JMJD1C: variants seen among roughly 807,000 people sequenced by gnomAD.
JMJD1C encodes jumonji domain containing 1C.
In JMJD1C, 31 loss-of-function variants were observed where a neutral mutation model predicts 245.3. That is an observed-to-expected ratio of 0.13 (90% confidence interval 0.09 to 0.17). The LOEUF is 0.17. JMJD1C is among the 10% of genes least tolerant of loss of function. The pLI is 1.00. For missense variants in JMJD1C, 2,691 were observed against 3,000.2 expected (o/e 0.90, Z 2.41); for synonymous variants, 1,057 against 1,017.4 (o/e 1.04, Z -0.74).
intron 2 of JMJD1C, among the ~76,000 whole-genome samples, chr10:63,296,857 GGATA>G (rs1486952161): frequency 1.3e-5 from 2 of 152,030 alleles, no homozygotes; most frequent in Admixed American, 6.6e-5. Context: ...AGGGGGTGGA[GGATA>G]GACAATTTTT....
chr10:63,326,619 C>T (rs933864018), intron 2 of JMJD1C, among the ~76,000 whole-genome samples: 2 of 151,956 alleles, frequency 1.3e-5, no homozygotes, highest in African/African-American at 2.4e-5. Flanking sequence ...GTGGCTCACG[C>T]GTGTAATCCC....
At chr10:63,178,363 AAGC>A (rs1843062989) in intron 22 of JMJD1C, among the ~76,000 whole-genome samples, 1 of 152,224 alleles carries the variant, frequency 6.6e-6, no homozygotes, top group Non-Finnish European at 1.5e-5. Flanking sequence ...GCAAACCAAG[AAGC>A]AGGAGATAGA....
At chr10:63,334,021 T>C (rs527578385) in intron 2 of JMJD1C, among the ~76,000 whole-genome samples, 62 of 152,278 alleles carry the variant, frequency 4.1e-4, no homozygotes, top group African/African-American at 1.3e-3. Context: ...AGAAAGTAAG[T>C]AACAGAAGTG....
chr10:63,352,276 A>C (rs1267251332), intron 2 of JMJD1C, among the ~76,000 whole-genome samples: 1 of 152,208 alleles, frequency 6.6e-6, no homozygotes, highest in African/African-American at 2.4e-5. Context: ...ATAAAAGACT[A>C]ATAGACATAT....
At chr10:63,353,235 T>G (rs1272560412) in intron 2 of JMJD1C, among the ~76,000 whole-genome samples, 4 of 152,144 alleles carry the variant, frequency 2.6e-5, no homozygotes, top group Non-Finnish European at 5.9e-5. Context: ...GCAATAGAAC[T>G]AGGCAGAAGA....
intron 3 of JMJD1C, among the ~76,000 whole-genome samples, chr10:63,250,176 T>C (rs534691989): frequency 5.3e-5 from 8 of 152,140 alleles, no homozygotes; most frequent in Non-Finnish European, 1.2e-4. Flanking sequence ...AAATTAGCCA[T>C]GCCTGGCTGA....
At chr10:63,443,075 C>T (rs1951486683) in intron 1 of JMJD1C, among the ~76,000 whole-genome samples, 1 of 152,180 alleles carries the variant, frequency 6.6e-6, no homozygotes, top group African/African-American at 2.4e-5. Context: ...ATTGGGGGCT[C>T]CCAGGCCCCC....
chr10:63,306,820 G>A (rs1188353776), intron 2 of JMJD1C, among the ~76,000 whole-genome samples: 2 of 151,958 alleles, frequency 1.3e-5, no homozygotes, highest in African/African-American at 4.8e-5. Flanking sequence ...TGATAAATAA[G>A]GTTTATAGGT....
chr10:63,468,511 T>C (rs1164531701), upstream of JMJD1C, among the ~76,000 whole-genome samples: 1 of 152,238 alleles, frequency 6.6e-6, no homozygotes, highest in Non-Finnish European at 1.5e-5. Context: ...CTTAACTTGT[T>C]TCCTTACATT....
intron 1 of JMJD1C, among the ~76,000 whole-genome samples, chr10:63,451,154 A>G (rs1034703656): frequency 6.6e-6 from 1 of 152,246 alleles, no homozygotes; most frequent in Non-Finnish European, 1.5e-5. Context: ...ATGGAAAGAC[A>G]TCTGTGTTTG....
chr10:63,211,141 A>T (rs1365363833), intron 8 of JMJD1C, among the ~76,000 whole-genome samples: 2 of 152,180 alleles, frequency 1.3e-5, no homozygotes, highest in African/African-American at 4.8e-5. Context: ...ATGCATCATC[A>T]ACCACTTGGT....
chr10:63,190,599 T>C (rs1263976954), intron 17 of JMJD1C, among the ~76,000 whole-genome samples: 1 of 152,202 alleles, frequency 6.6e-6, no homozygotes, highest in Non-Finnish European at 1.5e-5. Flanking sequence ...CATACAACAT[T>C]CACTTCCATG....
intron 3 of JMJD1C, among the ~76,000 whole-genome samples, chr10:63,228,608 CA>C (rs1169684270): frequency 1.3e-5 from 2 of 152,100 alleles, no homozygotes; most frequent in African/African-American, 4.8e-5. Flanking sequence ...TTAAAAACAA[CA>C]AAACAGAACA....
At chr10:63,369,283 G>C (rs533423209) in intron 2 of JMJD1C, among the ~76,000 whole-genome samples, 1 of 151,840 alleles carries the variant, frequency 6.6e-6, no homozygotes, top group Non-Finnish European at 1.5e-5. Flanking sequence ...CTGGTATTAT[G>C]GAAGTGCACC....
At chr10:63,341,681 C>T (rs1943393364) in intron 2 of JMJD1C, among the ~76,000 whole-genome samples, 1 of 152,172 alleles carries the variant, frequency 6.6e-6, no homozygotes, top group Admixed American at 6.5e-5. Context: ...TTCAACTGTT[C>T]TAATTATCCT....
intron 3 of JMJD1C, among the ~76,000 whole-genome samples, chr10:63,241,937 G>C (rs1851531858): frequency 6.6e-6 from 1 of 152,148 alleles, no homozygotes; most frequent in Non-Finnish European, 1.5e-5. Context: ...AAGACAAGAG[G>C]AAAGCAGGTA....
intron 1 of JMJD1C, among the ~76,000 whole-genome samples, chr10:63,401,230 G>A (rs1191032193): frequency 6.6e-6 from 1 of 152,142 alleles, no homozygotes; most frequent in Non-Finnish European, 1.5e-5. Flanking sequence ...TTATAAGCAT[G>A]TGAAGATGCA....
intron 2 of JMJD1C, among the ~76,000 whole-genome samples, chr10:63,319,255 TAAAAAAAAAAAA>T (rs59018554): frequency 3.5e-5 from 3 of 85,938 alleles, no homozygotes; most frequent in East Asian, 3.7e-4. Context: ...AGACTCCATC[TAAAAAAAAAAAA>T]AAAAAAAAAA....
At chr10:63,211,748 T>C (rs1442619939) in intron 8 of JMJD1C, among the ~76,000 whole-genome samples, 1 of 142,256 alleles carries the variant, frequency 7.0e-6, no homozygotes, top group Non-Finnish European at 1.5e-5. Context: ...AAAACACCCA[T>C]GTGAGGCAGA....
Sources: allele counts gnomAD v4.1 joint callset (sites outside exome capture counted in the v4.1 genomes callset), GRCh38; gene constraint gnomAD v4.1.1; transcripts MANE v1.5; gene names NCBI Gene and HGNC (gene_info 2026-07-23, HGNC 2026-07-21).